The following HNRNPC variants were observed in gnomAD, a reference collection of about 807,000 sequenced individuals.
HNRNPC encodes the protein heterogeneous nuclear ribonucleoprotein C.
In HNRNPC, 3 loss-of-function variants were observed where a neutral mutation model predicts 33.2. The ratio of observed to expected loss-of-function variants is 0.09; its 90% CI spans 0.04 to 0.23. The LOEUF is 0.23. Ranked by LOEUF, HNRNPC falls within the 10% of genes least tolerant of loss-of-function variation. The probability of loss-of-function intolerance (pLI) is 1.00; values close to 1 mark genes in which losing one functional copy is unlikely to be tolerated. For missense variants in HNRNPC, 143 were observed against 366.7 expected, an observed-to-expected ratio of 0.39 and a Z score of 4.98; for synonymous variants, 121 against 126.7, an observed-to-expected ratio of 0.96 and a Z score of 0.30.
intron 2 of HNRNPC, among the ~76,000 whole-genome samples, chr14:21,246,757 G>T (rs1368886226): frequency 6.6e-6 from 1 of 151,952 alleles, no homozygotes; most frequent in Non-Finnish European, 1.5e-5. Flanking sequence ...GAACAATATG[G>T]GTTTATACAT....
At chr14:21,224,786 A>G (rs1893223261) in intron 5 of HNRNPC, among the ~76,000 whole-genome samples, 1 of 151,934 alleles carries the variant, frequency 6.6e-6, no homozygotes, top group Non-Finnish European at 1.5e-5. Flanking sequence ...GCCCCTCACA[A>G]CTCAATCTTT....
intron 2 of HNRNPC, among the ~76,000 whole-genome samples, chr14:21,238,689 T>A (rs1895007844): frequency 1.3e-5 from 2 of 152,154 alleles, no homozygotes; most frequent in African/African-American, 4.8e-5. Context: ...TCCCCTCTTC[T>A]AGTTGAAGGG....
At chr14:21,267,148 C>T in intron 1 of HNRNPC, among the ~76,000 whole-genome samples, 1 of 134,820 alleles carries the variant, frequency 7.4e-6, no homozygotes, top group African/African-American at 2.7e-5. Context: ...TTTAATAAAA[C>T]TCAATCTGTA....
intron 2 of HNRNPC, among the ~76,000 whole-genome samples, chr14:21,237,337 AT>A (rs1354166554): frequency 6.6e-6 from 1 of 152,226 alleles, no homozygotes; most frequent in Non-Finnish European, 1.5e-5. Context: ...CATTTGAAGC[AT>A]TTTTGTAGGT....
intron 1 of HNRNPC, among the ~76,000 whole-genome samples, chr14:21,268,322 A>T (rs536437641): frequency 6.6e-6 from 1 of 152,334 alleles, no homozygotes; most frequent in African/African-American, 2.4e-5. Flanking sequence ...CGAAAGTCAA[A>T]TTTTGTCATC....
intron 2 of HNRNPC, among the ~76,000 whole-genome samples, chr14:21,235,271 C>CT (rs1452842947): frequency 6.6e-6 from 1 of 152,152 alleles, no homozygotes; most frequent in African/African-American, 2.4e-5. Flanking sequence ...CCCTTCATCC[C>CT]TTTGAAAGGT....
At chr14:21,231,174 G>A (rs1594245262) in intron 3 of HNRNPC, 102 bp from the exon 4 acceptor site, 25 of 1,181,408 alleles carry the variant, frequency 2.1e-5, no homozygotes, top group South Asian at 4.2e-5. Context: ...TCGCTTTCTC[G>A]CTCAGGCTGG....
chr14:21,218,012 G>T (rs916851493), intron 5 of HNRNPC, among the ~76,000 whole-genome samples: 2 of 151,936 alleles, frequency 1.3e-5, no homozygotes, highest in Admixed American at 1.3e-4. Flanking sequence ...TCTGAAACTT[G>T]ACTGGATTCA....
At chr14:21,212,434 C>CTTA (rs1158672123) in intron 6 of HNRNPC, among the ~76,000 whole-genome samples, 2 of 152,174 alleles carry the variant, frequency 1.3e-5, no homozygotes, top group African/African-American at 4.8e-5. Flanking sequence ...ATCTCAGGAA[C>CTTA]TTAACGCACA....
At chr14:21,215,962 A>C (rs894649482) in intron 5 of HNRNPC, among the ~76,000 whole-genome samples, 1 of 151,658 alleles carries the variant, frequency 6.6e-6, no homozygotes, top group Non-Finnish European at 1.5e-5. Flanking sequence ...AAAAACAACA[A>C]AACACACCAG....
intron 2 of HNRNPC, 42 bp downstream of exon 2, chr14:21,263,269 G>C (rs932318520): frequency 2.0e-5 from 3 of 152,108 alleles, no homozygotes; most frequent in Non-Finnish European, 4.4e-5. Flanking sequence ...GAAATCAGCG[G>C]AAAGTCAGGA....
At chr14:21,228,484 C>G (rs750923449) in intron 5 of HNRNPC, among the ~76,000 whole-genome samples, 1 of 152,004 alleles carries the variant, frequency 6.6e-6, no homozygotes, top group Non-Finnish European at 1.5e-5. Flanking sequence ...CTCCACCTCC[C>G]GGGATCAAGC....
intron 2 of HNRNPC, among the ~76,000 whole-genome samples, chr14:21,240,841 G>C (rs1895255149): frequency 6.6e-6 from 1 of 152,082 alleles, no homozygotes; most frequent in African/African-American, 2.4e-5. Flanking sequence ...CAATGGTCCA[G>C]GAGAAAAAAA....
intron 5 of HNRNPC, among the ~76,000 whole-genome samples, chr14:21,225,944 A>G (rs1264857707): frequency 6.6e-6 from 1 of 152,176 alleles, no homozygotes. Flanking sequence ...GTATGAAAAC[A>G]CTGCAGTATT....
At chr14:21,229,743 T>C (rs2139622607) in intron 5 of HNRNPC, among the ~76,000 whole-genome samples, 1 of 152,320 alleles carries the variant, frequency 6.6e-6, no homozygotes, top group East Asian at 1.9e-4. Flanking sequence ...TTATATACAG[T>C]AATAACATTA....
At chr14:21,224,439 C>A (rs1893184559) in intron 5 of HNRNPC, among the ~76,000 whole-genome samples, 1 of 152,122 alleles carries the variant, frequency 6.6e-6, no homozygotes, top group Non-Finnish European at 1.5e-5. Context: ...CTCTGTGAAA[C>A]CCCCCTTCAT....
chr14:21,251,550 T>TG (rs1388383478), intron 2 of HNRNPC, among the ~76,000 whole-genome samples: 1 of 151,748 alleles, frequency 6.6e-6, no homozygotes, highest in Non-Finnish European at 1.5e-5. Context: ...GTGGTAGTGG[T>TG]GGGTGCCTGT....
intron 2 of HNRNPC, among the ~76,000 whole-genome samples, chr14:21,246,287 C>T (rs779219844): frequency 2.6e-5 from 4 of 152,092 alleles, no homozygotes; most frequent in African/African-American, 4.8e-5. Context: ...AGGCTGGGCG[C>T]GGTGGCTCAT....
In HNRNPC at chr14:21,222,889, G is replaced by A. The variant is rs911559954; in HGVS notation, c.365+7430C>T. ...AGCCTGGGCGACAGAGGGAGACTCCGTCTCAAAAAAAAACCAAAACAAAAA... is the reference window on the plus strand; with the variant it reads ...AGCCTGGGCGACAGAGGGAGACTCCATCTCAAAAAAAAACCAAAACAAAAA... On this transcript the variant is annotated intron_variant, in intron 5 of 8. Transcript: ENST00000553300. 2.7e-5 allele frequency among the ~76,000 whole-genome samples: 4 copies of A among 150,074 alleles called. No homozygotes were observed. In the South Asian group the frequency reaches 6.3e-4, roughly 24 times the overall value.
Sources: allele counts gnomAD v4.1 joint callset (sites outside exome capture counted in the v4.1 genomes callset), GRCh38; gene constraint gnomAD v4.1.1; transcripts MANE v1.5; gene names NCBI Gene and HGNC (gene_info 2026-07-23, HGNC 2026-07-21).